Variants in KHDRBS2 observed in about 807,000 individuals in gnomAD.
KHDRBS2 encodes the protein KH domain-containing, RNA-binding, signal transduction-associated protein 2.
Under a neutral mutation model 44.3 loss-of-function variants are expected in KHDRBS2, and 26 were observed. The observed-to-expected ratio is 0.59, with a 90% CI of 0.43 to 0.81. The LOEUF is 0.81. Among genes scored for constraint, KHDRBS2 ranks in the 40% least tolerant of loss-of-function variants. The probability of loss-of-function intolerance (pLI) is 0.00; values close to 1 mark genes in which losing one functional copy is unlikely to be tolerated. For synonymous variants in KHDRBS2, 194 were observed against 151.1 expected, an observed-to-expected ratio of 1.28 and a Z score of -2.08; for missense variants, 476 against 433.1, an observed-to-expected ratio of 1.10 and a Z score of -0.88.
At chr6:61,990,754 GGCTGGAGT>G (rs1775979841) in intron 3 of KHDRBS2, among the ~76,000 whole-genome samples, 1 of 151,278 alleles carries the variant, frequency 6.6e-6, no homozygotes, top group African/African-American at 2.4e-5. Flanking sequence ...CCTGTCACCA[GGCTGGAGT>G]GCAGTGGTGC....
the KHDRBS2 span, among the ~76,000 whole-genome samples, chr6:61,565,017 T>C: frequency 3.3e-5 from 5 of 151,902 alleles, no homozygotes; most frequent in Non-Finnish European, 7.4e-5. Flanking sequence ...AATTCACAGA[T>C]ATACAATAAA....
chr6:62,132,744 T>C (rs979791027), intron 2 of KHDRBS2, among the ~76,000 whole-genome samples: 3 of 152,176 alleles, frequency 2.0e-5, no homozygotes, highest in African/African-American at 7.2e-5. Context: ...CATTACACCA[T>C]TGAGTGTAAT....
chr6:61,579,096 A>G, the KHDRBS2 span, among the ~76,000 whole-genome samples: 1 of 152,146 alleles, frequency 6.6e-6, no homozygotes, highest in Non-Finnish European at 1.5e-5. Context: ...GCACATGCGT[A>G]GGCTCAGGAT....
intron 8 of KHDRBS2, among the ~76,000 whole-genome samples, chr6:61,694,397 G>C (rs1399798370): frequency 3.3e-5 from 5 of 152,108 alleles, no homozygotes; most frequent in African/African-American, 1.2e-4. Context: ...ACCAAGGAGG[G>C]ACAATGTCCA....
At chr6:61,789,387 A>G (rs1784288808) in intron 6 of KHDRBS2, among the ~76,000 whole-genome samples, 1 of 151,546 alleles carries the variant, frequency 6.6e-6, no homozygotes, top group African/African-American at 2.4e-5. Flanking sequence ...AATCAATATT[A>G]TGTAATAGAT....
chr6:62,227,991 G>T (rs1298764000), intron 1 of KHDRBS2, among the ~76,000 whole-genome samples: 4 of 152,020 alleles, frequency 2.6e-5, no homozygotes, highest in Admixed American at 6.6e-5. Flanking sequence ...TTTTGTTGTT[G>T]TTGTTTCTCT....
Position 61,732,151 on chromosome 6 carries a change from C to T in KHDRBS2, c.893+531G>A, listed in dbSNP as rs75883458. ...ATAAATAACATCTCAATAAATCTGA[C>T]TTTGAAGACATAAAAAATCATTTAT... On this transcript the variant is annotated intron_variant, in intron 7 of 8. Coordinates refer to ENST00000281156, the MANE Select transcript of KHDRBS2 (RefSeq NM_152688.4). Among the ~76,000 whole-genome samples, 1,371 of 152,036 alleles carry T rather than the reference C, an allele frequency of 9.0e-3. 10 individuals are homozygous for T. The highest frequency in any genetic ancestry group is 0.01 in the Middle Eastern group (3 of 294).
At chr6:62,222,587 A>G (rs1831086339) in intron 1 of KHDRBS2, among the ~76,000 whole-genome samples, 1 of 152,112 alleles carries the variant, frequency 6.6e-6, no homozygotes, top group African/African-American at 2.4e-5. Context: ...TGGGAGTACA[A>G]TCCAATATGA....
intron 6 of KHDRBS2, among the ~76,000 whole-genome samples, chr6:61,759,880 G>T (rs1264132129): frequency 6.6e-6 from 1 of 152,138 alleles, no homozygotes; most frequent in African/African-American, 2.4e-5. Context: ...ATTAACTTTT[G>T]TCTTTGCCCA....
At chr6:61,954,549 T>C (rs1765674604) in intron 4 of KHDRBS2, among the ~76,000 whole-genome samples, 1 of 147,528 alleles carries the variant, frequency 6.8e-6, no homozygotes, top group Admixed American at 6.8e-5. Flanking sequence ...TACATATATA[T>C]GTATATATAC....
intron 3 of KHDRBS2, among the ~76,000 whole-genome samples, chr6:62,002,771 C>T (rs949618844): frequency 6.6e-5 from 10 of 151,192 alleles, no homozygotes; most frequent in African/African-American, 2.4e-4. Context: ...TGTCATAACA[C>T]AAAGATAAAA....
intron 3 of KHDRBS2, among the ~76,000 whole-genome samples, chr6:62,033,757 C>G (rs1784764086): frequency 6.6e-6 from 1 of 151,182 alleles, no homozygotes; most frequent in South Asian, 2.1e-4. Flanking sequence ...AAGGCTGAGG[C>G]AGGAGAACTG....
At chr6:62,067,227 C>G (rs1198865728) in intron 2 of KHDRBS2, among the ~76,000 whole-genome samples, 1 of 151,440 alleles carries the variant, frequency 6.6e-6, no homozygotes, top group Non-Finnish European at 1.5e-5. Context: ...GAAAACTAAA[C>G]AGGAAATCCA....
intron 2 of KHDRBS2, among the ~76,000 whole-genome samples, chr6:62,115,798 C>T (rs138178242): frequency 0.01 from 1,540 of 151,700 alleles, 9 homozygotes; most frequent in Non-Finnish European, 0.018. Context: ...ACTTTTTTAA[C>T]GTTAATTATA....
chr6:61,867,525 C>T (rs775427898), intron 6 of KHDRBS2, among the ~76,000 whole-genome samples: 11 of 152,134 alleles, frequency 7.2e-5, no homozygotes, highest in South Asian at 2.1e-4. Context: ...GGAGGGAAGG[C>T]GGCACTATGA....
intron 2 of KHDRBS2, among the ~76,000 whole-genome samples, chr6:62,048,942 CTCTTT>C (rs1023427762): frequency 3.4e-4 from 52 of 151,904 alleles, no homozygotes; most frequent in African/African-American, 9.1e-4. Context: ...TTCTTTCCTT[CTCTTT>C]TCTTTTCTTT....
At chr6:61,917,080 C>A (rs567732475) in intron 4 of KHDRBS2, among the ~76,000 whole-genome samples, 1 of 148,470 alleles carries the variant, frequency 6.7e-6, no homozygotes, top group South Asian at 2.1e-4. Context: ...TATGATCCAG[C>A]AATTGTGCTC....
At chr6:61,918,532 TA>T (rs1194280531) in intron 4 of KHDRBS2, among the ~76,000 whole-genome samples, 1 of 151,870 alleles carries the variant, frequency 6.6e-6, no homozygotes, top group Non-Finnish European at 1.5e-5. Context: ...CTCCACCATG[TA>T]AAATCACAGT....
chr6:61,733,542 G>A (rs1013011540), intron 6 of KHDRBS2, among the ~76,000 whole-genome samples: 78 of 151,842 alleles, frequency 5.1e-4, no homozygotes, highest in African/African-American at 1.8e-3. Context: ...GTTGCAATGA[G>A]CTGAGATTGT....
Sources: gnomAD v4.1 joint callset for allele counts (sites outside exome capture counted in the v4.1 genomes callset) on GRCh38, gnomAD v4.1.1 for gene constraint, MANE v1.5 for transcripts, NCBI Gene and HGNC (gene_info 2026-07-23, HGNC 2026-07-21) for gene names.